Variants in SACM1L observed in about 807,000 individuals in gnomAD.
SACM1L encodes the protein SAC1 like phosphatidylinositide phosphatase.
Under a neutral mutation model 89.5 loss-of-function variants are expected in SACM1L, and 32 were observed. The observed-to-expected ratio is 0.36, with a 90% CI of 0.27 to 0.48. SACM1L has a LOEUF of 0.48. SACM1L is among the 20% of genes least tolerant of loss of function. SACM1L has a pLI of 0.99. For missense variants in SACM1L, 543 were observed against 708.5 expected (o/e 0.77, Z 2.65); for synonymous variants, 213 against 232.8 (o/e 0.92, Z 0.77).
At chr3:45,739,880 G>A (rs2673071) in intron 19 of SACM1L, 5 of 568,994 alleles carry the variant, frequency 8.8e-6, no homozygotes, top group Non-Finnish European at 1.2e-5. Flanking sequence ...TCTTATTACT[G>A]TAAACCAATG....
chr3:45,743,775 T>TGGATAAAGGC lies in SACM1L; in HGVS notation c.*106_*107insGGATAAAGGC. On this transcript the variant is annotated 3_prime_UTR_variant, in exon 20 of 20. Transcript: ENST00000389061. Reference sequence around the variant, plus strand: ...CAGCCCAAGGTCTTTTTAATGCCTTTATCCAAAAGCACATCTTGTGCTCCA... The same window carrying TGGATAAAGGC: ...CAGCCCAAGGTCTTTTTAATGCCTTTGGATAAAGGCATCCAAAAGCACATCTTGTGCTCCA... 1 of 1,203,436 alleles carries TGGATAAAGGC rather than the reference T, an allele frequency of 8.3e-7. No homozygotes were observed. Among genetic ancestry groups the TGGATAAAGGC allele is most frequent in the Non-Finnish European group, 1.2e-6 (1 of 867,240 alleles). 74.5% of individuals were successfully genotyped at this position (1,203,436 alleles called of 1,614,324 possible). A position where few individuals can be genotyped will look rare whatever the true frequency, so the allele number is the denominator to read the frequency against.
At chr3:45,743,347 G>A (rs1699356513) in intron 19 of SACM1L, among the ~76,000 whole-genome samples, 186 bp from the exon 20 acceptor site, 1 of 152,212 alleles carries the variant, frequency 6.6e-6, no homozygotes, top group South Asian at 2.1e-4. Context: ...ATCAAGCCCT[G>A]CAGAAGATTC....
At chr3:45,690,657 C>G (rs1226123075) in intron 1 of SACM1L, among the ~76,000 whole-genome samples, 1 of 152,166 alleles carries the variant, frequency 6.6e-6, no homozygotes. Flanking sequence ...CAGTGCACCC[C>G]CTGTGGGTGC....
intron 2 of SACM1L, among the ~76,000 whole-genome samples, chr3:45,704,136 T>C (rs1446681920): frequency 6.6e-6 from 1 of 152,204 alleles, no homozygotes; most frequent in African/African-American, 2.4e-5. Context: ...TCCAAATAGA[T>C]AAATACGAAA....
Position 45,689,444 on chromosome 3 carries a change from A to G in SACM1L, c.-22A>G, listed in dbSNP as rs1442280778. The G allele has an allele frequency of 1.3e-6, 2 of 1,559,136 alleles. No individual in the cohort carries two copies. The highest frequency in any genetic ancestry group is 3.9e-5 in the Admixed American group (2 of 51,358). On this transcript the variant is annotated 5_prime_UTR_variant, in exon 1 of 20. Transcript: ENST00000389061. ...GCGGGGCGGGGCGGGCGGAGAGAGAAGGAAGGAGGTGGTTGTGCAGGATGG... is the reference window on the plus strand; with the variant it reads ...GCGGGGCGGGGCGGGCGGAGAGAGAGGGAAGGAGGTGGTTGTGCAGGATGG...
intron 7 of SACM1L, among the ~76,000 whole-genome samples, chr3:45,717,130 A>G (rs1252409651): frequency 6.6e-6 from 1 of 152,228 alleles, no homozygotes; most frequent in Admixed American, 6.5e-5. Context: ...AGGAGCCCTT[A>G]TCAAGTCTGA....
intron 11 of SACM1L, among the ~76,000 whole-genome samples, chr3:45,728,518 A>C (rs998237998): frequency 2.6e-5 from 4 of 152,142 alleles, no homozygotes; most frequent in African/African-American, 9.7e-5. Flanking sequence ...TAAGTATCTA[A>C]TTTGGATTGA....
intron 1 of SACM1L, among the ~76,000 whole-genome samples, chr3:45,695,750 A>G (rs1698106880): frequency 6.6e-6 from 1 of 152,192 alleles, no homozygotes; most frequent in Admixed American, 6.5e-5. Context: ...ATGTTGTACA[A>G]CCGTTATCAC....
chr3:45,709,441 T>C, intron 4 of SACM1L, 57 bp from the exon 5 acceptor site: 3 of 1,444,920 alleles, frequency 2.1e-6, no homozygotes, highest in Non-Finnish European at 2.8e-6. Context: ...TATTCTTTTC[T>C]CATGCTGGCA....
intron 4 of SACM1L, 160 bp downstream of exon 4, chr3:45,707,067 A>G (rs560027556): frequency 2.4e-5 from 13 of 547,140 alleles, no homozygotes; most frequent in African/African-American, 2.2e-4. Context: ...GGCATAAAAA[A>G]TATTTTTTAA....
chr3:45,692,511 C>T (rs905208780), intron 1 of SACM1L, among the ~76,000 whole-genome samples: 1 of 151,992 alleles, frequency 6.6e-6, no homozygotes, highest in African/African-American at 2.4e-5. Flanking sequence ...TTTTCAGTTT[C>T]GCCATGTTGC....
intron 5 of SACM1L, among the ~76,000 whole-genome samples, chr3:45,712,393 G>A (rs932618337): frequency 2.6e-5 from 4 of 152,052 alleles, no homozygotes; most frequent in African/African-American, 9.7e-5. Context: ...CTACAGACAC[G>A]TGCTACCACG....
chr3:45,710,271 G>A lies in SACM1L; in HGVS notation c.483+624G>A, dbSNP rs113151251. ...GCTGTAGTGCAGTGGTGCGATCTCAGCTCACTGCAACCTCTGCCTCCTGGG... is the reference window on the plus strand; with the variant it reads ...GCTGTAGTGCAGTGGTGCGATCTCAACTCACTGCAACCTCTGCCTCCTGGG... On this transcript the variant is annotated intron_variant, in intron 5 of 19. Coordinates refer to ENST00000389061, the MANE Select transcript of SACM1L (RefSeq NM_014016.5). Among the ~76,000 whole-genome samples the A allele has an allele frequency of 4.2e-3, 641 of 151,226 alleles. 4 individuals are homozygous for A. The highest frequency in any genetic ancestry group is 6.1e-3 in the Non-Finnish European group (416 of 67,860).
chr3:45,738,998 T>A, intron 18 of SACM1L, 125 bp downstream of exon 18: 1 of 634,734 alleles, frequency 1.6e-6, no homozygotes, highest in Non-Finnish European at 2.7e-6. Context: ...TATAAATACT[T>A]AAGTTTTCCA....
chr3:45,692,610 C>G (rs549447898), intron 1 of SACM1L, among the ~76,000 whole-genome samples: 1 of 152,224 alleles, frequency 6.6e-6, no homozygotes, highest in Non-Finnish European at 1.5e-5. Flanking sequence ...ATGCCTGGCC[C>G]AAAGAGAGTT....
chr3:45,716,227 G>T (rs529889198), intron 7 of SACM1L, among the ~76,000 whole-genome samples: 48 of 152,218 alleles, frequency 3.2e-4, no homozygotes, highest in African/African-American at 1.2e-3. Flanking sequence ...TAATCTCAGT[G>T]CCTTGGGAGG....
intron 1 of SACM1L, among the ~76,000 whole-genome samples, chr3:45,697,063 GT>G (rs1698144461): frequency 6.6e-6 from 1 of 151,950 alleles, no homozygotes; most frequent in African/African-American, 2.4e-5. Flanking sequence ...ATAATTAAAA[GT>G]AAGGTCTCAA....
chr3:45,706,992 C>G (rs1698413230), intron 4 of SACM1L, 85 bp downstream of exon 4: 1 of 1,262,618 alleles, frequency 7.9e-7, no homozygotes, highest in African/African-American at 1.5e-5. Flanking sequence ...TTGTGGAATA[C>G]AAAGAATGCT....
chr3:45,714,217 A>G (rs1260147109), intron 7 of SACM1L, 138 bp downstream of exon 7: 20 of 453,438 alleles, frequency 4.4e-5, no homozygotes, highest in Non-Finnish European at 7.5e-5. Flanking sequence ...TGATAAGAAA[A>G]TCAAACTCAT....
Sources: allele counts gnomAD v4.1 joint callset (sites outside exome capture counted in the v4.1 genomes callset), GRCh38; gene constraint gnomAD v4.1.1; transcripts MANE v1.5; gene names NCBI Gene and HGNC (gene_info 2026-07-23, HGNC 2026-07-21).